Variants in NTM observed in about 807,000 individuals in gnomAD.
NTM encodes the protein neurotrimin, also known as IgLON family member 2.
NTM carries 13 observed loss-of-function variants against 42.1 expected under a neutral mutation model. The observed-to-expected ratio is 0.31, with a 90% CI of 0.20 to 0.49. The LOEUF is 0.49. Ranked by LOEUF, NTM falls within the 20% of genes least tolerant of loss-of-function variation. NTM has a pLI of 0.99. For synonymous variants in NTM, 187 were observed against 179.2 expected, an observed-to-expected ratio of 1.04 and a Z score of -0.35; for missense variants, 373 against 452.8, an observed-to-expected ratio of 0.82 and a Z score of 1.60.
intron 2 of NTM, among the ~76,000 whole-genome samples, chr11:131,970,214 A>G (rs2063356315): frequency 6.6e-6 from 1 of 152,186 alleles, no homozygotes; most frequent in Non-Finnish European, 1.5e-5. Context: ...GTCAAGAATA[A>G]TGGTGTTAAA....
At chr11:131,931,355 C>T (rs951393791) in intron 2 of NTM, among the ~76,000 whole-genome samples, 1 of 152,010 alleles carries the variant, frequency 6.6e-6, no homozygotes, top group Non-Finnish European at 1.5e-5. Flanking sequence ...AGGAAGATTG[C>T]TTGAGCCCAG....
At chr11:132,273,961 G>C (rs1034500558) in intron 4 of NTM, among the ~76,000 whole-genome samples, 5 of 152,090 alleles carry the variant, frequency 3.3e-5, no homozygotes, top group African/African-American at 1.2e-4. Flanking sequence ...GCCTATTTCA[G>C]TAGTTTGTAT....
chr11:131,896,728 G>C (rs1371681172), intron 1 of NTM, among the ~76,000 whole-genome samples: 1 of 133,040 alleles, frequency 7.5e-6, no homozygotes, highest in Non-Finnish European at 1.5e-5. Flanking sequence ...TGGCTCTGTC[G>C]CCCAGGCTGG....
At chr11:131,735,336 T>TCAC (rs1286628711) in intron 1 of NTM, among the ~76,000 whole-genome samples, 1 of 152,182 alleles carries the variant, frequency 6.6e-6, no homozygotes, top group African/African-American at 2.4e-5. Context: ...GTTTTGACCC[T>TCAC]CAGTGCCTCC....
chr11:131,488,734 C>T (rs1285219210), intron 1 of NTM, among the ~76,000 whole-genome samples: 1 of 152,152 alleles, frequency 6.6e-6, no homozygotes, highest in African/African-American at 2.4e-5. Flanking sequence ...GAATTTTCAT[C>T]CCATTATTAC....
intron 1 of NTM, among the ~76,000 whole-genome samples, chr11:131,576,216 G>A (rs1014222432): frequency 2.6e-5 from 4 of 152,124 alleles, no homozygotes; most frequent in African/African-American, 9.7e-5. Context: ...GCTCACATTG[G>A]CTGCATATTC....
At chr11:131,759,912 G>A (rs969880159) in intron 1 of NTM, among the ~76,000 whole-genome samples, 1 of 151,934 alleles carries the variant, frequency 6.6e-6, no homozygotes, top group African/African-American at 2.4e-5. Flanking sequence ...GGGAGAGAAC[G>A]ATGTGAGAGT....
intron 1 of NTM, among the ~76,000 whole-genome samples, chr11:131,395,080 T>G (rs2135624678): frequency 6.6e-6 from 1 of 152,240 alleles, no homozygotes; most frequent in South Asian, 2.1e-4. Flanking sequence ...AAGGTGGCAG[T>G]GGGAGCCAGG....
chr11:131,702,827 T>G (rs2076210659), intron 1 of NTM, among the ~76,000 whole-genome samples: 1 of 152,236 alleles, frequency 6.6e-6, no homozygotes, highest in Admixed American at 6.5e-5. Context: ...GCCCCGACTA[T>G]TTTGAAACAT....
chr11:131,765,812 G>T (rs1201868653), intron 1 of NTM, among the ~76,000 whole-genome samples: 1 of 152,190 alleles, frequency 6.6e-6, no homozygotes, highest in Non-Finnish European at 1.5e-5. Context: ...GCGTTTACTT[G>T]GGCCAAGATC....
At chr11:132,074,125 G>A (rs943986287) in intron 2 of NTM, among the ~76,000 whole-genome samples, 2 of 152,182 alleles carry the variant, frequency 1.3e-5, no homozygotes, top group African/African-American at 4.8e-5. Flanking sequence ...GGGTTGTTTG[G>A]AAAACAATAT....
intron 1 of NTM, among the ~76,000 whole-genome samples, chr11:131,794,267 T>G (rs191751714): frequency 3.9e-5 from 6 of 152,290 alleles, no homozygotes; most frequent in Admixed American, 1.3e-4. Context: ...CACTGCTGTT[T>G]TGAGTACAAG....
chr11:131,383,501 A>G (rs946565954), intron 1 of NTM, among the ~76,000 whole-genome samples: 1 of 152,188 alleles, frequency 6.6e-6, no homozygotes, highest in Non-Finnish European at 1.5e-5. Flanking sequence ...GATGAGTGTT[A>G]CAAGTGGAAG....
chr11:131,774,366 A>G (rs769574292), intron 1 of NTM, among the ~76,000 whole-genome samples: 5 of 152,144 alleles, frequency 3.3e-5, no homozygotes, highest in Non-Finnish European at 7.4e-5. Flanking sequence ...GTAATCCTTG[A>G]CTTTTCACAC....
intron 5 of NTM, among the ~76,000 whole-genome samples, chr11:132,308,678 C>T (rs2140194325): frequency 6.6e-6 from 1 of 151,790 alleles, no homozygotes; most frequent in South Asian, 2.1e-4. Flanking sequence ...GATACTGTAT[C>T]TAGGAGAATA....
intron 4 of NTM, among the ~76,000 whole-genome samples, chr11:132,253,867 C>A (rs530590241): frequency 1.3e-5 from 2 of 152,328 alleles, no homozygotes; most frequent in Non-Finnish European, 2.9e-5. Flanking sequence ...GCATCAGGAA[C>A]AAAGGCTGTC....
intron 1 of NTM, among the ~76,000 whole-genome samples, chr11:131,467,947 T>C (rs1952053531): frequency 6.6e-6 from 1 of 152,166 alleles, no homozygotes; most frequent in Non-Finnish European, 1.5e-5. Flanking sequence ...GTCTATGGGA[T>C]TCTGTATTTA....
chr11:131,703,907 G>A (rs765136162), intron 1 of NTM, among the ~76,000 whole-genome samples: 21 of 152,086 alleles, frequency 1.4e-4, no homozygotes, highest in Admixed American at 3.3e-4. Flanking sequence ...CGATGGCCCC[G>A]GGCCCCAGAC....
chr11:131,396,605 AG>A (rs2135639489), intron 1 of NTM, among the ~76,000 whole-genome samples: 1 of 152,248 alleles, frequency 6.6e-6, no homozygotes, highest in Non-Finnish European at 1.5e-5. Flanking sequence ...GTGGCAGGGC[AG>A]GTGGATTACT....
Sources: gnomAD v4.1 joint callset for allele counts (sites outside exome capture counted in the v4.1 genomes callset) on GRCh38, gnomAD v4.1.1 for gene constraint, MANE v1.5 for transcripts, NCBI Gene and HGNC (gene_info 2026-07-23, HGNC 2026-07-21) for gene names.